Variants in CELF2 observed in about 807,000 individuals in gnomAD.
The protein encoded by CELF2 is CUGBP Elav-like family member 2.
Under a neutral mutation model 62.6 loss-of-function variants are expected in CELF2, and 8 were observed. The ratio of observed to expected loss-of-function variants is 0.13; its 90% CI spans 0.07 to 0.23. CELF2 has a LOEUF of 0.23. Ranked by LOEUF, CELF2 falls within the 10% of genes least tolerant of loss-of-function variation. The pLI is 1.00. For synonymous variants in CELF2, 258 were observed against 250.0 expected (o/e 1.03, Z -0.30); for missense variants, 333 against 671.0 (o/e 0.50, Z 5.56).
intron 1 of CELF2, among the ~76,000 whole-genome samples, chr10:11,104,800 A>G (rs1012660660): frequency 6.6e-6 from 1 of 152,258 alleles, no homozygotes; most frequent in Non-Finnish European, 1.5e-5. Context: ...GGAGTTGATA[A>G]GAATAGGAAT....
chr10:10,923,294 C>T (rs527832271), intron 2 of CELF2, among the ~76,000 whole-genome samples: 1 of 152,162 alleles, frequency 6.6e-6, no homozygotes, highest in East Asian at 1.9e-4. Context: ...GGAAGGAAGA[C>T]GGTGGCATTT....
chr10:10,975,274 C>T (rs979610965), intron 2 of CELF2, among the ~76,000 whole-genome samples: 4 of 152,102 alleles, frequency 2.6e-5, no homozygotes, highest in Non-Finnish European at 4.4e-5. Flanking sequence ...TGAGCCACTA[C>T]GCCCAGCTAA....
the CELF2 span, among the ~76,000 whole-genome samples, chr10:10,475,060 C>T: frequency 7.3e-4 from 111 of 152,132 alleles, 1 homozygote; most frequent in East Asian, 0.019. Flanking sequence ...AAGGAGTATT[C>T]CAAGGAACAT....
the CELF2 span, among the ~76,000 whole-genome samples, chr10:10,739,133 G>C: frequency 6.6e-6 from 1 of 151,848 alleles, no homozygotes; most frequent in African/African-American, 2.4e-5. Context: ...TCACCAAATA[G>C]AATCTGACGA....
chr10:10,581,223 G>A, the CELF2 span, among the ~76,000 whole-genome samples: 85 of 152,286 alleles, frequency 5.6e-4, no homozygotes, highest in African/African-American at 1.9e-3. Flanking sequence ...CATTCAATTT[G>A]CTACTAGTTG....
the CELF2 span, among the ~76,000 whole-genome samples, chr10:10,539,273 G>C: frequency 2.0e-5 from 3 of 152,208 alleles, no homozygotes; most frequent in African/African-American, 7.2e-5. Context: ...TAGCAAAAGG[G>C]ATAATTTAGG....
At chr10:10,675,068 T>A in the CELF2 span, among the ~76,000 whole-genome samples, 3 of 152,246 alleles carry the variant, frequency 2.0e-5, no homozygotes, top group Non-Finnish European at 4.4e-5. Context: ...TTTACCTTTT[T>A]CTTTTTTGAT....
At chr10:10,534,586 T>C in the CELF2 span, among the ~76,000 whole-genome samples, 15 of 152,228 alleles carry the variant, frequency 9.9e-5, no homozygotes, top group African/African-American at 3.4e-4. Context: ...ATTGAAAATA[T>C]GGACCTCATG....
At position 11,319,574 on chromosome 10, in the gene CELF2, A is replaced by G. The variant is rs906405580; in HGVS notation, c.1097-1615A>G. Among the ~76,000 whole-genome samples, 13 of 152,074 alleles carry G rather than the reference A, an allele frequency of 8.5e-5. No individual in the cohort carries two copies. Among genetic ancestry groups the G allele is most frequent in the African/African-American group, 3.1e-4 (13 of 41,470 alleles). The stretch of plus-strand genomic sequence containing the variant: ...CTCAATGATTTTCATTAATAGATAG[A>G]CCCCTTCATAATGAGAAACAAAAGC... On this transcript the variant is annotated intron_variant, in intron 10 of 12. Coordinates refer to ENST00000633077, the MANE Select transcript of CELF2 (RefSeq NM_001326342.2). The surrounding 1 kb of genome is among the most constrained non-coding windows in gnomAD (Gnocchi z 4.4).
chr10:10,475,778 T>A, the CELF2 span, among the ~76,000 whole-genome samples: 3 of 152,136 alleles, frequency 2.0e-5, no homozygotes, highest in African/African-American at 7.2e-5. Flanking sequence ...GACTTAACTT[T>A]TAAATAATGA....
chr10:10,746,893 C>T, the CELF2 span, among the ~76,000 whole-genome samples: 1 of 152,208 alleles, frequency 6.6e-6, no homozygotes, highest in Non-Finnish European at 1.5e-5. Context: ...TTTTCCAAAG[C>T]ATCACCTTTG....
At chr10:11,082,485 A>G (rs1434260010) in intron 1 of CELF2, among the ~76,000 whole-genome samples, 2 of 152,132 alleles carry the variant, frequency 1.3e-5, no homozygotes, top group Non-Finnish European at 2.9e-5. Flanking sequence ...CAGGGCAGTA[A>G]CTGAGTCCTT....
intron 3 of CELF2, among the ~76,000 whole-genome samples, chr10:11,248,811 C>G (rs2076338710): frequency 6.6e-6 from 1 of 152,204 alleles, no homozygotes; most frequent in African/African-American, 2.4e-5. Flanking sequence ...GAGACACTTG[C>G]TCGAGATTGC....
At chr10:10,999,659 T>A (rs1718608701) in intron 2 of CELF2, among the ~76,000 whole-genome samples, 1 of 152,224 alleles carries the variant, frequency 6.6e-6, no homozygotes. Flanking sequence ...TTCAAACTCA[T>A]CTTTCCTACA....
At chr10:11,189,594 C>T (rs754157842) in intron 2 of CELF2, among the ~76,000 whole-genome samples, 1 of 152,180 alleles carries the variant, frequency 6.6e-6, no homozygotes, top group African/African-American at 2.4e-5. Flanking sequence ...TAATGGCCCT[C>T]GCACTCTCAG....
chr10:10,905,016 G>A (rs534045588), intron 1 of CELF2, among the ~76,000 whole-genome samples: 104 of 152,136 alleles, frequency 6.8e-4, no homozygotes, highest in Admixed American at 4.8e-3. Context: ...GTTTTGTTTC[G>A]TTTGCTTGTT....
chr10:11,167,044 A>G lies in CELF2; in HGVS notation c.271+1362A>G, dbSNP rs1366608745. Among the ~76,000 whole-genome samples, 4 of 152,252 alleles carry G rather than the reference A, an allele frequency of 2.6e-5. No individual in the cohort carries two copies. In the East Asian group the frequency reaches 5.8e-4, roughly 22 times the overall value. ...AAGGTTGTTTCAAAAAGCACATAGAATGTTGTCACCACAAACTTGATTGCC... is the reference window on the plus strand; with the variant it reads ...AAGGTTGTTTCAAAAAGCACATAGAGTGTTGTCACCACAAACTTGATTGCC... On this transcript the variant is annotated intron_variant, in intron 2 of 12. Transcript: ENST00000633077.
intron 4 of CELF2, among the ~76,000 whole-genome samples, chr10:11,253,242 A>C (rs995223107): frequency 1.3e-5 from 2 of 152,184 alleles, no homozygotes; most frequent in African/African-American, 4.8e-5. Context: ...TTAACCCTCC[A>C]ACCTCACAAT....
intron 3 of CELF2, among the ~76,000 whole-genome samples, chr10:11,240,147 A>G (rs888301648): frequency 1.5e-4 from 23 of 152,244 alleles, no homozygotes; most frequent in African/African-American, 5.5e-4. Flanking sequence ...TAAATGCCAT[A>G]TATTCTGCCT....
Sources: gnomAD v4.1 joint callset for allele counts (sites outside exome capture counted in the v4.1 genomes callset) on GRCh38, gnomAD v4.1.1 for gene constraint, Gnocchi (gnomAD v3.1) non-coding constraint, MANE v1.5 for transcripts, NCBI Gene and HGNC (gene_info 2026-07-23, HGNC 2026-07-21) for gene names.